The following CDK15 variants were observed in gnomAD, a reference collection of about 807,000 sequenced individuals.
CDK15 encodes the protein cyclin dependent kinase 15.
A neutral mutation model predicts 60.3 loss-of-function variants in CDK15; 62 were observed. The ratio of observed to expected loss-of-function variants is 1.03; its 90% CI spans 0.84 to 1.27. The LOEUF (loss-of-function observed/expected upper bound fraction) is 1.27, where lower values mean the gene tolerates loss of function less well. Among genes scored for constraint, CDK15 ranks in the 50% most tolerant of loss-of-function variants. CDK15 has a pLI of 0.00. For synonymous variants in CDK15, 194 were observed against 195.7 expected, an observed-to-expected ratio of 0.99 and a Z score of 0.07; for missense variants, 541 against 527.8, an observed-to-expected ratio of 1.03 and a Z score of -0.25.
chr2:201,864,329 A>AT (rs1307098313), intron 10 of CDK15, among the ~76,000 whole-genome samples: 1 of 151,844 alleles, frequency 6.6e-6, no homozygotes, highest in Non-Finnish European at 1.5e-5. Context: ...TTATTTATTT[A>AT]TTTTTTGAGA....
intron 10 of CDK15, among the ~76,000 whole-genome samples, chr2:201,864,710 A>T (rs1288723550): frequency 3.3e-5 from 5 of 152,218 alleles, no homozygotes; most frequent in African/African-American, 1.2e-4. Flanking sequence ...CACCCCTGCT[A>T]TTTTATTCAA....
At chr2:201,851,423 C>T (rs989016850) in intron 9 of CDK15, among the ~76,000 whole-genome samples, 35 of 151,558 alleles carry the variant, frequency 2.3e-4, no homozygotes, top group African/African-American at 8.2e-4. Flanking sequence ...AGTGCCTTGT[C>T]GCTGCATCCT....
chr2:201,886,452 A>G (rs188495893), intron 12 of CDK15, among the ~76,000 whole-genome samples: 105 of 151,778 alleles, frequency 6.9e-4, no homozygotes, highest in Middle Eastern at 7.0e-3. Context: ...CAGCCTCCCG[A>G]GTAGCTGGGA....
At chr2:201,814,929 T>C (rs1272847650) in intron 4 of CDK15, among the ~76,000 whole-genome samples, 1 of 150,938 alleles carries the variant, frequency 6.6e-6, no homozygotes, top group Non-Finnish European at 1.5e-5. Context: ...CTAGCAAAAG[T>C]ATGAACAGCA....
Position 201,807,846 on chromosome 2 carries a change from C to T in CDK15, c.274-12C>T. 6.2e-7 allele frequency: 1 copy of T among 1,606,724 alleles called. No homozygotes were observed. Among genetic ancestry groups the T allele is most frequent in the Non-Finnish European group, 8.5e-7 (1 of 1,177,670 alleles). On this transcript the variant is annotated splice_polypyrimidine_tract_variant and intron_variant, in intron 2 of 13. Transcript: ENST00000652192. ...CTTTCACCCGCTCCTTTTCCCCATTCCCCTAGAGCAGAGGAAGAGCCTCCC... is the reference window on the plus strand; with the variant it reads ...CTTTCACCCGCTCCTTTTCCCCATTTCCCTAGAGCAGAGGAAGAGCCTCCC...
At position 201,894,078 on chromosome 2, in the gene CDK15, CACA is replaced by C. The variant is rs199746537; in HGVS notation, c.*812_*814del. 9.4e-5 allele frequency: 4 copies of C among 42,678 alleles called. No homozygotes were observed. Among genetic ancestry groups the C allele is most frequent in the African/African-American group, 2.2e-4 (4 of 17,916 alleles). The allele number at this position is 42,678 out of a possible 1,614,324, so 2.6% of individuals were successfully genotyped here. On this transcript the variant is annotated 3_prime_UTR_variant, in exon 14 of 14. Coordinates refer to ENST00000652192, the MANE Select transcript of CDK15 (RefSeq NM_001366386.2). ...ATTTAAGCCCTGTTGCACCACCACA[CACA>C]CACACACACACACACACACACACAC... is the stretch of plus-strand genomic sequence containing the variant.
intron 9 of CDK15, among the ~76,000 whole-genome samples, chr2:201,849,205 A>G (rs781005909): frequency 2.0e-5 from 3 of 152,254 alleles, no homozygotes; most frequent in Non-Finnish European, 2.9e-5. Context: ...TGAGAATTCC[A>G]TAAAAACAAA....
chr2:201,829,955 C>A (rs1467542878), intron 6 of CDK15, among the ~76,000 whole-genome samples: 1 of 151,942 alleles, frequency 6.6e-6, no homozygotes, highest in Non-Finnish European at 1.5e-5. Context: ...CTACAGGCAC[C>A]CACCACCTCA....
chr2:201,833,198 T>C (rs1574872228), intron 6 of CDK15, among the ~76,000 whole-genome samples: 1 of 96,510 alleles, frequency 1.0e-5, no homozygotes, highest in Non-Finnish European at 2.5e-5. Flanking sequence ...TTATTCTTTT[T>C]TGATTTTTTT....
chr2:201,849,974 G>A (rs1027809044), intron 9 of CDK15, among the ~76,000 whole-genome samples: 2 of 152,014 alleles, frequency 1.3e-5, no homozygotes, highest in African/African-American at 2.4e-5. Flanking sequence ...ACAGGTGCCC[G>A]CCACCACACC....
chr2:201,875,611 G>A (rs999773123), intron 11 of CDK15, among the ~76,000 whole-genome samples: 8 of 152,010 alleles, frequency 5.3e-5, no homozygotes, highest in African/African-American at 1.9e-4. Flanking sequence ...CTACATAATC[G>A]AACGATAACA....
At chr2:201,823,917 G>T (rs554814383) in intron 6 of CDK15, among the ~76,000 whole-genome samples, 190 bp downstream of exon 6, 1 of 152,252 alleles carries the variant, frequency 6.6e-6, no homozygotes, top group South Asian at 2.1e-4. Context: ...AAGAAAAAGA[G>T]TTGCTGAGTT....
chr2:201,852,174 GA>G, intron 9 of CDK15, among the ~76,000 whole-genome samples: 4 of 152,270 alleles, frequency 2.6e-5, no homozygotes, highest in Admixed American at 2.6e-4. Context: ...AAGCAGGTTA[GA>G]AAATTATACA....
At chr2:201,832,780 T>C (rs368698992) in intron 6 of CDK15, among the ~76,000 whole-genome samples, 1 of 152,288 alleles carries the variant, frequency 6.6e-6, no homozygotes, top group East Asian at 1.9e-4. Flanking sequence ...GGTCCTAGCA[T>C]CTCTGAAAGT....
chr2:201,813,654 A>G (rs1695870137), intron 4 of CDK15, among the ~76,000 whole-genome samples: 1 of 152,240 alleles, frequency 6.6e-6, no homozygotes, highest in Admixed American at 6.5e-5. Flanking sequence ...CTAAGATGAG[A>G]GCAAGTTAGT....
At chr2:201,834,003 G>C in intron 7 of CDK15, 32 bp downstream of exon 7, 1 of 1,607,570 alleles carries the variant, frequency 6.2e-7, no homozygotes, top group Non-Finnish European at 8.5e-7. Flanking sequence ...ATTCTGGGCT[G>C]TGAACAATGA....
At chr2:201,830,359 G>A (rs534030131) in intron 6 of CDK15, among the ~76,000 whole-genome samples, 74 of 152,328 alleles carry the variant, frequency 4.9e-4, no homozygotes, top group African/African-American at 1.7e-3. Context: ...AGGAAGGAAG[G>A]CATGGTCTAT....
At chr2:201,810,837 CTTTTTTTTTTTTTT>C (rs199591982) in intron 3 of CDK15, among the ~76,000 whole-genome samples, 1 of 123,638 alleles carries the variant, frequency 8.1e-6, no homozygotes, top group Non-Finnish European at 1.7e-5. Flanking sequence ...GGTATGCACT[CTTTTTTTTTTTTTT>C]TTTTTTTTTC....
chr2:201,878,815 A>G (rs1303465215), intron 11 of CDK15, among the ~76,000 whole-genome samples: 2 of 152,242 alleles, frequency 1.3e-5, no homozygotes, highest in Non-Finnish European at 2.9e-5. Flanking sequence ...CACAGGGCAG[A>G]AAGAGCAAAA....
Sources: gnomAD v4.1 joint callset for allele counts (sites outside exome capture counted in the v4.1 genomes callset) on GRCh38, gnomAD v4.1.1 for gene constraint, MANE v1.5 for transcripts, NCBI Gene and HGNC (gene_info 2026-07-23, HGNC 2026-07-21) for gene names.